Variants in MYLIP observed in about 807,000 individuals in gnomAD.
The protein encoded by MYLIP is myosin regulatory light chain interacting protein.
Under a neutral mutation model 45.8 loss-of-function variants are expected in MYLIP, and 26 were observed. That is an observed-to-expected ratio of 0.57 (90% CI 0.42 to 0.79). MYLIP has a LOEUF of 0.79. Ranked by LOEUF, MYLIP falls within the 30% of genes least tolerant of loss-of-function variation. The probability of loss-of-function intolerance (pLI) is 0.00; values close to 1 mark genes in which losing one functional copy is unlikely to be tolerated. For synonymous variants in MYLIP, 213 were observed against 218.1 expected, an observed-to-expected ratio of 0.98 and a Z score of 0.21; for missense variants, 494 against 555.6, an observed-to-expected ratio of 0.89 and a Z score of 1.11.
downstream of MYLIP, among the ~76,000 whole-genome samples, chr6:16,152,272 C>G (rs181320045): frequency 6.6e-6 from 1 of 152,190 alleles, no homozygotes; most frequent in Non-Finnish European, 1.5e-5. Flanking sequence ...ATTCATTTGG[C>G]CTTTTATTCC....
the MYLIP span, among the ~76,000 whole-genome samples, chr6:16,162,284 A>G: frequency 6.6e-6 from 1 of 152,230 alleles, no homozygotes; most frequent in East Asian, 1.9e-4. Context: ...GGCTCAGAGC[A>G]GACCAGACTG....
At chr6:16,160,760 C>A in the MYLIP span, among the ~76,000 whole-genome samples, 1 of 144,846 alleles carries the variant, frequency 6.9e-6, no homozygotes, top group Non-Finnish European at 1.6e-5. Flanking sequence ...CGAGATCATG[C>A]CACTGCACTC....
intron 2 of MYLIP, among the ~76,000 whole-genome samples, chr6:16,136,451 A>T (rs1443003376): frequency 2.6e-5 from 4 of 152,180 alleles, no homozygotes; most frequent in Non-Finnish European, 5.9e-5. Flanking sequence ...ATTCCATTGA[A>T]TGAATCTAGT....
At chr6:16,157,553 GAC>G in the MYLIP span, among the ~76,000 whole-genome samples, 142 of 152,366 alleles carry the variant, frequency 9.3e-4, 1 homozygote, top group African/African-American at 3.1e-3. Context: ...ATAGATGAAT[GAC>G]TCATAGGAGC....
intron 1 of MYLIP, 144 bp from the exon 2 acceptor site, chr6:16,130,413 A>G: frequency 1.4e-6 from 1 of 737,808 alleles, no homozygotes; most frequent in Non-Finnish European, 2.2e-6. Context: ...GGAGCCGTGG[A>G]ACTTTGTTTT....
intron 2 of MYLIP, among the ~76,000 whole-genome samples, chr6:16,134,695 A>C (rs1476634328): frequency 6.6e-6 from 1 of 152,266 alleles, no homozygotes; most frequent in Non-Finnish European, 1.5e-5. Context: ...GAAAGATTGC[A>C]TGCCCAAACA....
chr6:16,145,392 A>AC, intron 6 of MYLIP, 75 bp downstream of exon 6: 1 of 1,469,494 alleles, frequency 6.8e-7, no homozygotes, highest in Non-Finnish European at 9.1e-7. Context: ...GGAGCCAGGT[A>AC]CTGGCTCGCT....
chr6:16,145,442 G>A (rs1279202362), intron 6 of MYLIP, 125 bp downstream of exon 6: 1 of 1,131,442 alleles, frequency 8.8e-7, no homozygotes, highest in African/African-American at 1.6e-5. Flanking sequence ...CCCGGAAAGG[G>A]TCTTTGTATT....
downstream of MYLIP, among the ~76,000 whole-genome samples, chr6:16,149,625 A>G (rs1448472975): frequency 1.3e-5 from 2 of 152,246 alleles, no homozygotes. Context: ...CAGGTTTAAC[A>G]TGGACATGGT....
At chr6:16,144,431 C>T (rs1049902153) in intron 5 of MYLIP, among the ~76,000 whole-genome samples, 1 of 152,172 alleles carries the variant, frequency 6.6e-6, no homozygotes, top group Non-Finnish European at 1.5e-5. Flanking sequence ...TCAGAGGGTA[C>T]TTTAAAGCCA....
chr6:16,162,871 T>C, the MYLIP span, among the ~76,000 whole-genome samples: 1 of 151,118 alleles, frequency 6.6e-6, no homozygotes, highest in Non-Finnish European at 1.5e-5. Flanking sequence ...CAGTTTTCAT[T>C]ATGATTTTTC....
In MYLIP at chr6:16,145,263, C is replaced by A; in HGVS notation, c.1194C>A (p.Thr398=). The A allele has an allele frequency of 6.2e-7, 1 of 1,611,556 alleles. No individual in the cohort carries two copies. The highest frequency in any genetic ancestry group is 2.2e-5 in the East Asian group (1 of 44,800). The stretch of plus-strand genomic sequence containing the variant: ...GCTGCGAGGAGGAGATCAACTCCAC[C>A]TTCTGTCCCTGTGGCCACACTGTGT... ...MVCCEEEINS[T]FCPCGHTVCC... The change falls in exon 6 of 7, where the codon ACC becomes ACA. Residue 398 remains threonine, a synonymous_variant. Transcript: ENST00000356840.
At chr6:16,153,507 A>T in the MYLIP span, among the ~76,000 whole-genome samples, 8 of 152,226 alleles carry the variant, frequency 5.3e-5, no homozygotes, top group African/African-American at 1.9e-4. Flanking sequence ...GCTTCTTAAT[A>T]AAGAGAGGAA....
At chr6:16,161,090 C>T in the MYLIP span, 91 of 155,954 alleles carry the variant, frequency 5.8e-4, 1 homozygote, top group African/African-American at 5.8e-4. Flanking sequence ...TGGTGAAGAG[C>T]GGCTGCTATG....
At chr6:16,139,541 C>T (rs897971668) in intron 2 of MYLIP, among the ~76,000 whole-genome samples, 2 of 152,210 alleles carry the variant, frequency 1.3e-5, no homozygotes, top group African/African-American at 2.4e-5. Flanking sequence ...ACCTCCACCC[C>T]AGTCGAATAC....
Position 16,140,653 on chromosome 6 carries a change from A to G in MYLIP, c.279-972A>G, listed in dbSNP as rs138354667. On this transcript the variant is annotated intron_variant, in intron 2 of 6. Transcript: ENST00000356840. ...GCAGCAAGACCAGAGACACCAGAGCATGAACATGCTTCCTAGATTTCCCAG... is the reference window on the plus strand; with the variant it reads ...GCAGCAAGACCAGAGACACCAGAGCGTGAACATGCTTCCTAGATTTCCCAG... Among the ~76,000 whole-genome samples the G allele has an allele frequency of 9.5e-3, 1,451 of 152,248 alleles. 26 individuals carry two copies. The highest frequency in any genetic ancestry group is 0.033 in the African/African-American group (1,387 of 41,540).
chr6:16,146,671 G>C lies in MYLIP; in HGVS notation c.1258G>C (p.Val420Leu), dbSNP rs146590862. Residue 420 changes from valine (V) to leucine (L), a missense_variant, in exon 7 of 7, where the codon GTC becomes CTC. Val to Leu is a conservative substitution (Grantham distance 32). Transcript: ENST00000356840. ...GGCTTTTCTTTCCCAGTCATGTCCC[G>C]TCTGCAGGTCGCGTGTGGAGCATGT... ...SCAAQLQSCP[V>L]CRSRVEHVQH... The C allele has an allele frequency of 2.1e-5, 33 of 1,609,540 alleles. No individual in the cohort carries two copies. The highest frequency in any genetic ancestry group is 2.7e-5 in the Non-Finnish European group (32 of 1,177,524).
chr6:16,141,832 T>G, intron 3 of MYLIP, 22 bp downstream of exon 3: 5 of 1,586,006 alleles, frequency 3.2e-6, no homozygotes, highest in Non-Finnish European at 4.3e-6. Flanking sequence ...GAATATAGTA[T>G]TGTTTACAAC....
intron 3 of MYLIP, among the ~76,000 whole-genome samples, chr6:16,142,689 A>G (rs1408818800): frequency 6.6e-6 from 1 of 152,212 alleles, no homozygotes; most frequent in African/African-American, 2.4e-5. Flanking sequence ...TCAACTTTAT[A>G]CTTATAAACT....
Sources: allele counts gnomAD v4.1 joint callset (sites outside exome capture counted in the v4.1 genomes callset), GRCh38; gene constraint gnomAD v4.1.1; transcripts MANE v1.5; gene names NCBI Gene and HGNC (gene_info 2026-07-23, HGNC 2026-07-21).